CNGB1: variants seen among roughly 807,000 people sequenced by gnomAD.
CNGB1 encodes cyclic nucleotide gated channel subunit beta 1.
CNGB1 carries 126 observed loss-of-function variants against 151.7 expected under a neutral mutation model. The ratio of observed to expected loss-of-function variants is 0.83; its 90% CI spans 0.72 to 0.96. The LOEUF is 0.96. Among genes scored for constraint, CNGB1 ranks in the 40% least tolerant of loss-of-function variants. The pLI, the probability that CNGB1 is intolerant of heterozygous loss-of-function variation, is 0.00. For missense variants in CNGB1, 1,698 were observed against 1,627.0 expected (o/e 1.04, Z -0.75); for synonymous variants, 623 against 635.1 (o/e 0.98, Z 0.29).
At chr16:57,954,315 G>A (rs569560523) in intron 12 of CNGB1, among the ~76,000 whole-genome samples, 1 of 152,170 alleles carries the variant, frequency 6.6e-6, no homozygotes, top group Non-Finnish European at 1.5e-5. Flanking sequence ...AACAAATGAA[G>A]AGGCAGGTGC....
At chr16:57,927,247 G>A (rs1397157241) in intron 17 of CNGB1, among the ~76,000 whole-genome samples, 2 of 152,210 alleles carry the variant, frequency 1.3e-5, no homozygotes, top group Non-Finnish European at 2.9e-5. Flanking sequence ...CGTCTTACAA[G>A]TGATGCTCTG....
At chr16:57,898,007 G>A in intron 29 of CNGB1, 93 bp from the exon 30 acceptor site, 1 of 1,333,542 alleles carries the variant, frequency 7.5e-7, no homozygotes, top group Non-Finnish European at 1.1e-6. Context: ...GGTCCGGCAA[G>A]GAGGAACCTA....
chr16:57,954,779 G>T, intron 12 of CNGB1: 2 of 989,456 alleles, frequency 2.0e-6, no homozygotes, highest in African/African-American at 3.5e-5. Flanking sequence ...GGCCTAGGGA[G>T]AACCTCTTCT....
In CNGB1 at chr16:57,903,854, T is replaced by C; in HGVS notation, c.2762A>G (p.Tyr921Cys). 6.2e-7 allele frequency: 1 copy of C among 1,614,188 alleles called. No homozygotes were observed. The highest frequency in any genetic ancestry group is 8.5e-7 in the Non-Finnish European group (1 of 1,180,034). The stretch of plus-strand genomic sequence containing the variant: ...GCCTTGCGAGTGCCAGGTGTACTCG[T>C]ACCAGGTCTTGACGCGGTTCTGCAC... ...KSVQNRVKTW[Y>C]EYTWHSQGML... Residue 921 changes from tyrosine to cysteine, a missense_variant, in exon 27 of 33, where the codon TAC (tyrosine) becomes TGC (cysteine). Coordinates refer to ENST00000251102, the MANE Select transcript of CNGB1 (RefSeq NM_001297.5).
At chr16:57,931,944 G>C in intron 16 of CNGB1, 66 bp from the exon 17 acceptor site, 1 of 1,556,798 alleles carries the variant, frequency 6.4e-7, no homozygotes, top group Non-Finnish European at 8.8e-7. Flanking sequence ...GAGTCCAGCT[G>C]TGTTCTTGAA....
intron 26 of CNGB1, among the ~76,000 whole-genome samples, chr16:57,904,291 G>A (rs1270823824): frequency 2.6e-5 from 4 of 152,150 alleles, no homozygotes; most frequent in Non-Finnish European, 5.9e-5. Flanking sequence ...ACAGTTCCTC[G>A]GTGACGGCGG....
Position 57,964,199 on chromosome 16 carries a change from G to T in CNGB1, c.221C>A (p.Thr74Asn). The stretch of plus-strand genomic sequence containing the variant: ...GGTGGAAGTAAGGGCAGCCTCCTTG[G>T]TCTCTGGAAAAGAATCTCTCATCCT... ...VAVADPSPQE[T>N]KEAALTSTIS... Residue 74 changes from threonine (T) to asparagine (N), a missense_variant, in exon 4 of 33, where the codon ACC becomes AAC. Thr to Asn is a moderately conservative substitution (Grantham distance 65, BLOSUM62 0). Coordinates refer to ENST00000251102, the MANE Select transcript of CNGB1 (RefSeq NM_001297.5). The T allele has an allele frequency of 6.2e-7, 1 of 1,614,110 alleles. No homozygotes were observed. Among genetic ancestry groups the T allele is most frequent in the East Asian group, 2.2e-5 (1 of 44,878 alleles).
chr16:57,923,231 C>T, intron 18 of CNGB1, 42 bp downstream of exon 18: 1 of 1,381,176 alleles, frequency 7.2e-7, no homozygotes, highest in South Asian at 1.2e-5. Context: ...CCCCACCCTC[C>T]CCGCAGTCTT....
In CNGB1 at chr16:57,919,148, G is replaced by A; in HGVS notation, c.1908C>T (p.His636=). ...GAAACTGGTACTTCTTCCAGGGGCG[G>A]TGTTTGAACTTGCAGCAGAGCATGT... ...YCDMLCCKFK[H]RPWKKYQFPQ... The change falls in exon 20 of 33, where the codon CAC becomes CAT. Residue 636 remains histidine (H), a synonymous_variant. Coordinates refer to ENST00000251102, the MANE Select transcript of CNGB1 (RefSeq NM_001297.5). 6.2e-7 allele frequency: 1 copy of A among 1,614,194 alleles called. No homozygotes were observed. Among genetic ancestry groups the A allele is most frequent in the Non-Finnish European group, 8.5e-7 (1 of 1,180,042 alleles).
At position 57,896,001 on chromosome 16, in the gene CNGB1, C is replaced by T. The variant is rs1960214199; in HGVS notation, c.3242+1396G>A. ...AACAAATGGGAGAGAAGAGAAAGCT[C>T]TTCCACACAGCTGACTGCCAGCTAA... On this transcript the variant is annotated intron_variant, in intron 31 of 32. Coordinates refer to ENST00000251102, the MANE Select transcript of CNGB1 (RefSeq NM_001297.5). Among the ~76,000 whole-genome samples, 4 of 152,144 alleles carry T rather than the reference C, an allele frequency of 2.6e-5. No individual in the cohort carries two copies. In the South Asian group the frequency reaches 8.3e-4, roughly 31 times the overall value.
intron 19 of CNGB1, 133 bp from the exon 20 acceptor site, chr16:57,919,387 A>G (rs1960967032): frequency 6.5e-7 from 1 of 1,537,216 alleles, no homozygotes; most frequent in Non-Finnish European, 8.8e-7. Context: ...AGCTACTGCA[A>G]GCTCTGTGTG....
At chr16:57,968,986 C>G (rs1193193018) in intron 1 of CNGB1, among the ~76,000 whole-genome samples, 1 of 148,054 alleles carries the variant, frequency 6.8e-6, no homozygotes, top group African/African-American at 2.5e-5. Context: ...GCCTGGGTAA[C>G]AAAGCAAGAT....
At chr16:57,905,421 A>G (rs1960522158) in intron 25 of CNGB1, among the ~76,000 whole-genome samples, 1 of 152,220 alleles carries the variant, frequency 6.6e-6, no homozygotes, top group Non-Finnish European at 1.5e-5. Context: ...GTTGGTAAGT[A>G]CAAGAGCTGG....
At chr16:57,892,818 T>C (rs1412666633) in intron 31 of CNGB1, among the ~76,000 whole-genome samples, 1 of 152,196 alleles carries the variant, frequency 6.6e-6, no homozygotes, top group Non-Finnish European at 1.5e-5. Flanking sequence ...AGCTCACTCC[T>C]TTGCTTTGTG....
At chr16:57,904,570 C>G (rs1488766914) in intron 26 of CNGB1, among the ~76,000 whole-genome samples, 164 bp downstream of exon 26, 1 of 152,162 alleles carries the variant, frequency 6.6e-6, no homozygotes, top group African/African-American at 2.4e-5. Context: ...CCACCACCCC[C>G]TTCACCGCGC....
Position 57,933,724 on chromosome 16 carries a change from C to CTT in CNGB1, c.1373-1848_1373-1847dup, listed in dbSNP as rs5817126. 8.2e-3 allele frequency among the ~76,000 whole-genome samples: 986 copies of CTT among 119,568 alleles called. 25 individuals carry two copies. In the East Asian group the frequency reaches 0.095, roughly 12 times the overall value. The allele number at this position is 119,568 out of a possible 152,430, so 78.4% of individuals were successfully genotyped here. ...TGTTTCTTTTTCTTTCTTTTCTTTT[C>CTT]TTTTTTTTTTTTTTTTGAGATGGAG... On this transcript the variant is annotated intron_variant, in intron 16 of 32. Transcript: ENST00000251102.
At chr16:57,958,509 G>A (rs1436104847) in intron 10 of CNGB1, 24 bp from the exon 11 acceptor site, 29 of 1,606,310 alleles carry the variant, frequency 1.8e-5, no homozygotes, top group Non-Finnish European at 2.5e-5. Context: ...AGAGTGTGCG[G>A]TGTCCAGGTG....
Position 57,904,839 on chromosome 16 carries a change from G to T in CNGB1, c.2529C>A (p.Leu843=). 1.2e-6 allele frequency: 2 copies of T among 1,614,220 alleles called. No homozygotes were observed. Among genetic ancestry groups the T allele is most frequent in the Non-Finnish European group, 1.7e-6 (2 of 1,180,036 alleles). ...GGTCAGGCAGCCCCCCGATGGTGAT[G>T]AGGGTCTTCACAGCAAAGTAGTAAC... is the stretch of plus-strand genomic sequence containing the variant. ...IRCYYFAVKT[L]ITIGGLPDPK... Residue 843 remains leucine (L), a synonymous_variant, in exon 26 of 33, where the codon CTC becomes CTA. Coordinates refer to ENST00000251102, the MANE Select transcript of CNGB1 (RefSeq NM_001297.5).
intron 25 of CNGB1, among the ~76,000 whole-genome samples, chr16:57,911,275 A>G (rs435179): frequency 0.46 from 70,640 of 151,978 alleles, 17,889 homozygotes; most frequent in African/African-American, 0.67. Flanking sequence ...GGGAAGATGT[A>G]GTGACCTGGC....
Sources: allele counts gnomAD v4.1 joint callset (sites outside exome capture counted in the v4.1 genomes callset), GRCh38; gene constraint gnomAD v4.1.1; transcripts MANE v1.5; gene names NCBI Gene and HGNC (gene_info 2026-07-23, HGNC 2026-07-21).